The following SLC26A8 variants were observed in gnomAD, a reference collection of about 807,000 sequenced individuals.
The protein encoded by SLC26A8 is testis anion transporter 1.
A neutral mutation model predicts 105.0 loss-of-function variants in SLC26A8; 70 were observed. The observed-to-expected ratio is 0.67, with a 90% CI of 0.55 to 0.81. The LOEUF is 0.81. Among genes scored for constraint, SLC26A8 ranks in the 40% least tolerant of loss-of-function variants. SLC26A8 has a pLI of 0.00. For synonymous variants in SLC26A8, 415 were observed against 438.3 expected (o/e 0.95, Z 0.66); for missense variants, 998 against 1,181.8 (o/e 0.84, Z 2.28).
rs747055365 is a variant in SLC26A8 at position 35,982,152 on chromosome 6, T to G, written c.994A>C (p.Ser332Arg). 2.5e-6 allele frequency: 4 copies of G among 1,614,072 alleles called. No homozygotes were observed. The highest frequency in any genetic ancestry group is 3.3e-5 in the Admixed American group (2 of 59,992). ...GGAATCATGTCAATAAGCGTCTGGC[T>G]GGTTTCTGTGGCCATGCTTATCTTG... Reference protein sequence around the residue: ...ANKISMATETSQTLIDMIPYS... With the variant: ...ANKISMATETRQTLIDMIPYS... The change falls in exon 8 of 20, where the codon AGC (serine) becomes CGC (arginine). Residue 332 changes from serine (S) to arginine (R), a missense_variant. Physicochemically the swap from Ser to Arg is moderately radical, Grantham distance 110. Transcript: ENST00000490799.
Position 35,976,550 on chromosome 6 carries a change from CTTTT to C in SLC26A8, c.1173+650_1173+653del, listed in dbSNP as rs371327114. On this transcript the variant is annotated intron_variant, in intron 9 of 19. Coordinates refer to ENST00000490799, the MANE Select transcript of SLC26A8 (RefSeq NM_052961.4). ...AACTGTATGGTATTAGAAGCCCTCG[CTTTT>C]TTTTTTTTTTTTTTGAGATGGAGTC... 1.4e-3 allele frequency among the ~76,000 whole-genome samples: 186 copies of C among 130,142 alleles called. 1 individual carries two copies. The highest frequency in any genetic ancestry group is 1.7e-3 in the Non-Finnish European group (105 of 61,738). The allele number at this position is 130,142 out of a possible 152,430, so 85.4% of individuals were successfully genotyped here.
intron 8 of SLC26A8, among the ~76,000 whole-genome samples, chr6:35,980,110 T>C (rs1773212446): frequency 1.3e-5 from 2 of 152,206 alleles, no homozygotes; most frequent in African/African-American, 4.8e-5. Context: ...GTAGCTGGGA[T>C]TGCAGGCACA....
intron 3 of SLC26A8, among the ~76,000 whole-genome samples, chr6:36,009,999 G>A (rs554498469): frequency 6.6e-6 from 1 of 152,274 alleles, no homozygotes; most frequent in South Asian, 2.1e-4. Context: ...GCTTGCAGCT[G>A]GGGATGTAAA....
At chr6:35,951,406 G>A in intron 18 of SLC26A8, 39 bp downstream of exon 18, 1 of 1,613,932 alleles carries the variant, frequency 6.2e-7, no homozygotes, top group South Asian at 1.1e-5. Context: ...GAGGACCCAG[G>A]GTGCAAAACA....
At chr6:35,947,406 T>G (rs1299088541) in intron 19 of SLC26A8, among the ~76,000 whole-genome samples, 4 of 152,210 alleles carry the variant, frequency 2.6e-5, no homozygotes, top group African/African-American at 9.7e-5. Context: ...TCATTATTAC[T>G]TGTTCTGAGA....
intron 16 of SLC26A8, among the ~76,000 whole-genome samples, chr6:35,957,238 A>G (rs1218061406): frequency 6.6e-6 from 1 of 152,158 alleles, no homozygotes; most frequent in African/African-American, 2.4e-5. Flanking sequence ...AAAAAGGATA[A>G]GTAAGAATAT....
At chr6:35,983,548 T>C (rs897946722) in intron 7 of SLC26A8, among the ~76,000 whole-genome samples, 13 of 152,078 alleles carry the variant, frequency 8.5e-5, no homozygotes, top group Non-Finnish European at 8.8e-5. Flanking sequence ...TCTGCTCTTT[T>C]GCTCTCTTTT....
At chr6:35,993,290 C>T (rs140423889) in intron 5 of SLC26A8, among the ~76,000 whole-genome samples, 61 of 151,162 alleles carry the variant, frequency 4.0e-4, no homozygotes, top group African/African-American at 1.4e-3. Flanking sequence ...CAGGCATGAA[C>T]GCACTGTGCC....
chr6:36,022,545 A>G lies in SLC26A8; in HGVS notation c.-3+1959T>C, dbSNP rs79727071. On this transcript the variant is annotated intron_variant, in intron 1 of 19. Transcript: ENST00000490799. ...ATCACAAAAAGTTGTTGGACAGTGG[A>G]GATAGGAGAGACTGAGGCAAAACAG... Among the ~76,000 whole-genome samples the G allele has an allele frequency of 6.4e-4, 98 of 152,264 alleles. 1 individual carries two copies. The East Asian group carries it at 0.016, about 24-fold the overall frequency.
At chr6:35,969,258 C>A in intron 10 of SLC26A8, 2 of 300,472 alleles carry the variant, frequency 6.7e-6, no homozygotes, top group Non-Finnish European at 1.3e-5. Flanking sequence ...CTCCTAAAAT[C>A]TGATTTGCAT....
chr6:35,969,073 G>A lies in SLC26A8; in HGVS notation c.1288-119C>T, dbSNP rs187187141. ...TTTTTCTTAAAAGGAGTTGAGTTCA[G>A]TCCAAGTGTATTTTTGTTGAACTGA... On this transcript the variant is annotated intron_variant, in intron 10 of 19. Transcript: ENST00000490799. 7.7e-6 allele frequency: 6 copies of A among 784,128 alleles called. No individual in the cohort carries two copies. The Admixed American group carries it at 1.1e-4, about 15-fold the overall frequency. The allele number at this position is 784,128 out of a possible 1,614,324, so 48.6% of individuals were successfully genotyped here. A position where few individuals can be genotyped will look rare whatever the true frequency, so the allele number is the denominator to read the frequency against.
intron 7 of SLC26A8, among the ~76,000 whole-genome samples, chr6:35,984,099 T>C (rs1280574425): frequency 6.6e-6 from 1 of 152,126 alleles, no homozygotes; most frequent in Non-Finnish European, 1.5e-5. Flanking sequence ...TGACATGACA[T>C]GTGTATAGGT....
At chr6:35,966,628 T>C (rs1354259432) in intron 11 of SLC26A8, among the ~76,000 whole-genome samples, 2 of 152,204 alleles carry the variant, frequency 1.3e-5, no homozygotes, top group Non-Finnish European at 2.9e-5. Flanking sequence ...CTCTTGTAAC[T>C]AGTTGAGATC....
intron 1 of SLC26A8, among the ~76,000 whole-genome samples, chr6:36,024,150 C>T (rs982106952): frequency 4.6e-5 from 7 of 152,026 alleles, no homozygotes; most frequent in Admixed American, 2.0e-4. Flanking sequence ...GAGGAACGGC[C>T]GGGCAGTCAG....
At chr6:35,964,384 T>C (rs1290677837) in intron 11 of SLC26A8, among the ~76,000 whole-genome samples, 1 of 152,202 alleles carries the variant, frequency 6.6e-6, no homozygotes, top group East Asian at 1.9e-4. Context: ...CAGTGGCTCA[T>C]GTCTGTAATC....
Position 35,944,079 on chromosome 6 carries a change from G to A in SLC26A8, c.2734C>T (p.Pro912Ser), listed in dbSNP as rs61741366. ...GCTCTTGGCCTAGATTTGGGGTTGG[G>A]CTCCATCTCAGGCTCAGTCTCAGGC... is the stretch of plus-strand genomic sequence containing the variant. Reference protein sequence around the residue: ...PQPETEPEMEPNPKSRPRAHT... With the variant: ...PQPETEPEMESNPKSRPRAHT... Residue 912 changes from proline (P) to serine (S), a missense_variant, in exon 20 of 20, where the codon CCC (proline) becomes TCC (serine). Coordinates refer to ENST00000490799, the MANE Select transcript of SLC26A8 (RefSeq NM_052961.4). The A allele has an allele frequency of 0.011, 17,410 of 1,614,056 alleles. 121 individuals are homozygous for A. Among genetic ancestry groups the A allele is most frequent in the Non-Finnish European group, 0.012 (14,020 of 1,180,002 alleles).
intron 3 of SLC26A8, 90 bp downstream of exon 3, chr6:36,012,143 T>C: frequency 6.7e-7 from 1 of 1,492,976 alleles, no homozygotes; most frequent in South Asian, 1.3e-5. Flanking sequence ...TTTTTTTCTA[T>C]TCATGTAGCA....
At chr6:36,016,244 C>A (rs1161819633) in intron 2 of SLC26A8, among the ~76,000 whole-genome samples, 5 of 152,138 alleles carry the variant, frequency 3.3e-5, no homozygotes, top group African/African-American at 1.2e-4. Flanking sequence ...CCGCCCACCT[C>A]AGCCTCCCAA....
At chr6:35,982,341 G>T in intron 7 of SLC26A8, 138 bp from the exon 8 acceptor site, 1 of 741,666 alleles carries the variant, frequency 1.3e-6, no homozygotes, top group Non-Finnish European at 2.3e-6. Flanking sequence ...ATGCAAGTTG[G>T]AGAGAGAGGC....
Sources: allele counts gnomAD v4.1 joint callset (sites outside exome capture counted in the v4.1 genomes callset), GRCh38; gene constraint gnomAD v4.1.1; transcripts MANE v1.5; gene names NCBI Gene and HGNC (gene_info 2026-07-23, HGNC 2026-07-21).